SIPA1L1: variants seen among roughly 807,000 people sequenced by gnomAD.
The protein encoded by SIPA1L1 is signal-induced proliferation-associated 1-like protein 1.
A neutral mutation model predicts 162.7 loss-of-function variants in SIPA1L1; 26 were observed. The observed-to-expected ratio is 0.16, with a 90% CI of 0.12 to 0.22. The LOEUF is 0.22. SIPA1L1 is among the 10% of genes least tolerant of loss of function. The pLI is 1.00. For missense variants in SIPA1L1, 1,874 were observed against 2,241.0 expected (o/e 0.84, Z 3.31); for synonymous variants, 829 against 837.4 (o/e 0.99, Z 0.17).
chr14:71,331,017 T>G (rs929190007), intron 2 of SIPA1L1, among the ~76,000 whole-genome samples: 2 of 152,254 alleles, frequency 1.3e-5, no homozygotes, highest in Non-Finnish European at 2.9e-5. Context: ...TATTTTCTTC[T>G]GGAAGTTTTA....
At chr14:71,458,521 T>C (rs2141809577) in intron 2 of SIPA1L1, among the ~76,000 whole-genome samples, 1 of 152,290 alleles carries the variant, frequency 6.6e-6, no homozygotes, top group South Asian at 2.1e-4. Flanking sequence ...ACCAGTGATA[T>C]TAAGTGTAGA....
chr14:71,451,534 C>T (rs866431382), intron 2 of SIPA1L1, among the ~76,000 whole-genome samples: 50 of 149,578 alleles, frequency 3.3e-4, no homozygotes, highest in Middle Eastern at 6.9e-3. Context: ...ACTCAGGGGA[C>T]TGAAGTGGGA....
chr14:71,624,201 G>A lies in SIPA1L1; in HGVS notation c.1783G>A (p.Val595Ile). The A allele has an allele frequency of 6.2e-7, 1 of 1,613,842 alleles. No homozygotes were observed. The highest frequency in any genetic ancestry group is 1.1e-5 in the South Asian group (1 of 91,066). Residue 595 changes from valine (V) to isoleucine (I), a missense_variant, in exon 7 of 24, where the codon GTC (valine) becomes ATC (isoleucine). This residue lies in a region of SIPA1L1 where 685 missense variants were observed against 828.0 expected (regional missense o/e 0.83). Transcript: ENST00000381232. ...CLRLAFNTPK[V>I]TEQLMKLDEQ... ...GCGGTTGGCCTTCAACACACCCAAG[G>A]TCACAGAGCAGCTCATGAAACTGGA...
chr14:71,608,693 G>A (rs1463791142), intron 5 of SIPA1L1, among the ~76,000 whole-genome samples: 13 of 152,028 alleles, frequency 8.6e-5, no homozygotes, highest in African/African-American at 2.2e-4. Flanking sequence ...TCAGGGGTTC[G>A]AGACCAGCCT....
chr14:71,468,083 C>G (rs962030211), intron 2 of SIPA1L1, among the ~76,000 whole-genome samples: 2 of 150,538 alleles, frequency 1.3e-5, no homozygotes, highest in Admixed American at 6.6e-5. Flanking sequence ...AGGGACTTCT[C>G]CTATAATCAG....
chr14:71,725,672 G>A (rs138000050), intron 19 of SIPA1L1, among the ~76,000 whole-genome samples: 21 of 152,214 alleles, frequency 1.4e-4, no homozygotes, highest in African/African-American at 3.9e-4. Context: ...TCACGCCCCC[G>A]GGGATTGGAA....
At chr14:71,658,065 G>T in intron 8 of SIPA1L1, among the ~76,000 whole-genome samples, 1 of 151,220 alleles carries the variant, frequency 6.6e-6, no homozygotes. Context: ...GATACTGTGC[G>T]CTTCGATATA....
At chr14:71,538,153 ATCT>A (rs1470496558) in intron 4 of SIPA1L1, among the ~76,000 whole-genome samples, 1 of 152,188 alleles carries the variant, frequency 6.6e-6, no homozygotes, top group Non-Finnish European at 1.5e-5. Context: ...TAATAATTGA[ATCT>A]TCTTCCCTAC....
intron 2 of SIPA1L1, among the ~76,000 whole-genome samples, chr14:71,325,254 C>T (rs1241019741): frequency 6.6e-6 from 1 of 152,056 alleles, no homozygotes; most frequent in Non-Finnish European, 1.5e-5. Flanking sequence ...TTTTCTATGC[C>T]TAGCTAATCA....
At chr14:71,424,478 A>G (rs2043415232) in intron 2 of SIPA1L1, among the ~76,000 whole-genome samples, 1 of 152,060 alleles carries the variant, frequency 6.6e-6, no homozygotes, top group South Asian at 2.1e-4. Flanking sequence ...GAATGTTTTT[A>G]TCATGAAAGG....
intron 2 of SIPA1L1, among the ~76,000 whole-genome samples, chr14:71,386,891 T>C (rs1281010721): frequency 6.6e-6 from 1 of 152,122 alleles, no homozygotes; most frequent in African/African-American, 2.4e-5. Context: ...AATTTTCTCA[T>C]TGGTTTGTGT....
intron 5 of SIPA1L1, among the ~76,000 whole-genome samples, chr14:71,615,071 A>G (rs1264124267): frequency 6.6e-6 from 1 of 152,182 alleles, no homozygotes; most frequent in African/African-American, 2.4e-5. Context: ...AAACACTTTT[A>G]TTTTCTTCCA....
At chr14:71,320,891 T>G (rs1365161336) in intron 1 of SIPA1L1, among the ~76,000 whole-genome samples, 1 of 151,586 alleles carries the variant, frequency 6.6e-6, no homozygotes, top group African/African-American at 2.4e-5. Flanking sequence ...CGGGGCCACC[T>G]CCGCCTTCCC....
At chr14:71,459,019 C>G (rs996001629) in intron 2 of SIPA1L1, among the ~76,000 whole-genome samples, 1 of 151,614 alleles carries the variant, frequency 6.6e-6, no homozygotes, top group Non-Finnish European at 1.5e-5. Context: ...TTGCAGTGAG[C>G]CAAGATCATG....
chr14:71,465,337 T>C (rs1178805737), intron 2 of SIPA1L1, among the ~76,000 whole-genome samples: 2 of 152,228 alleles, frequency 1.3e-5, no homozygotes, highest in East Asian at 3.8e-4. Context: ...TCTTAGCAGA[T>C]TTGAGGCTCA....
At chr14:71,670,992 T>C (rs1596810772) in intron 10 of SIPA1L1, 127 bp from the exon 11 acceptor site, 3 of 743,608 alleles carry the variant, frequency 4.0e-6, no homozygotes, top group East Asian at 2.5e-5. Flanking sequence ...GTGTGTTGTT[T>C]CTCATGGAAA....
At chr14:71,619,633 G>A (rs112807357) in intron 6 of SIPA1L1, among the ~76,000 whole-genome samples, 1 of 151,962 alleles carries the variant, frequency 6.6e-6, no homozygotes, top group East Asian at 1.9e-4. Context: ...GCCACTTATC[G>A]ATTTATTGCC....
chr14:71,556,839 C>G (rs2056397936), intron 4 of SIPA1L1, among the ~76,000 whole-genome samples: 1 of 152,188 alleles, frequency 6.6e-6, no homozygotes, highest in Non-Finnish European at 1.5e-5. Flanking sequence ...TTATCTAAAT[C>G]CAGCAAGGCC....
chr14:71,508,796 T>A (rs902656407), intron 2 of SIPA1L1, among the ~76,000 whole-genome samples: 2 of 152,362 alleles, frequency 1.3e-5, no homozygotes, highest in African/African-American at 4.8e-5. Context: ...GTACTCCTTT[T>A]CATGTTGCTG....
Sources: allele counts gnomAD v4.1 joint callset (sites outside exome capture counted in the v4.1 genomes callset), GRCh38; gene constraint gnomAD v4.1.1; regional missense constraint gnomAD v4.1.1; transcripts MANE v1.5; gene names NCBI Gene and HGNC (gene_info 2026-07-23, HGNC 2026-07-21).